The following CLCN3 variants were observed in gnomAD, a reference collection of about 807,000 sequenced individuals.
CLCN3 encodes the protein Cl-/H+ antiporter 3.
A neutral mutation model predicts 83.4 loss-of-function variants in CLCN3; 16 were observed. The ratio of observed to expected loss-of-function variants is 0.19; its 90% CI spans 0.13 to 0.29. The LOEUF is 0.29. Ranked by LOEUF, CLCN3 falls within the 10% of genes least tolerant of loss-of-function variation. The pLI is 1.00. For synonymous variants in CLCN3, 322 were observed against 346.2 expected (o/e 0.93, Z 0.78); for missense variants, 544 against 1,006.0 (o/e 0.54, Z 6.21).
rs555174327 is a variant in CLCN3, at chr4:169,713,589, T to G, written c.2366+294T>G. 1.6e-3 allele frequency among the ~76,000 whole-genome samples: 238 copies of G among 152,330 alleles called. 2 individuals are homozygous for G. Among genetic ancestry groups the G allele is most frequent in the Admixed American group, 0.013 (193 of 15,304 alleles). ...GAAAGCATGTTGAGCTTAGAGTGCT[T>G]CTTTTCCTAGGGAAGAGTGGACCTA... On this transcript the variant is annotated intron_variant, in intron 12 of 12. Transcript: ENST00000513761.
At chr4:169,700,536 A>G (rs13103449) in intron 9 of CLCN3, among the ~76,000 whole-genome samples, 4,581 of 152,260 alleles carry the variant, frequency 0.03, 135 homozygotes, top group African/African-American at 0.079. Flanking sequence ...TGCTAGGATT[A>G]TAGGTGTGAG....
intron 2 of CLCN3, among the ~76,000 whole-genome samples, chr4:169,654,725 A>T (rs1269621797): frequency 6.6e-6 from 1 of 152,186 alleles, no homozygotes; most frequent in Non-Finnish European, 1.5e-5. Flanking sequence ...TGCATTATGT[A>T]ATTACAGTGT....
chr4:169,709,677 CAAAA>C (rs80258467), intron 11 of CLCN3, among the ~76,000 whole-genome samples: 1 of 129,262 alleles, frequency 7.7e-6, no homozygotes. Context: ...AACCCTGTCT[CAAAA>C]AAAAAAAAAG....
At chr4:169,713,028 A>G in intron 11 of CLCN3, 51 bp from the exon 12 acceptor site, 2 of 1,353,590 alleles carry the variant, frequency 1.5e-6, no homozygotes, top group Non-Finnish European at 2.1e-6. Flanking sequence ...CAGGTTGCCT[A>G]CTTAAAAATC....
chr4:169,690,976 A>G (rs1581254897), intron 6 of CLCN3, among the ~76,000 whole-genome samples: 2 of 151,908 alleles, frequency 1.3e-5, no homozygotes, highest in African/African-American at 4.8e-5. Flanking sequence ...TTGACGGGTT[A>G]GTTGTTACTT....
intron 2 of CLCN3, among the ~76,000 whole-genome samples, chr4:169,637,747 C>G (rs1488478911): frequency 6.6e-6 from 1 of 152,020 alleles, no homozygotes; most frequent in Non-Finnish European, 1.5e-5. Flanking sequence ...TTAGATCTGC[C>G]TACCTGCAGT....
chr4:169,711,173 T>A (rs779721500), intron 11 of CLCN3, among the ~76,000 whole-genome samples: 3 of 152,264 alleles, frequency 2.0e-5, no homozygotes, highest in Non-Finnish European at 4.4e-5. Context: ...TTTATACTAT[T>A]GATGTCACAC....
chr4:169,638,230 C>T (rs1399730077), intron 2 of CLCN3, among the ~76,000 whole-genome samples: 1 of 152,138 alleles, frequency 6.6e-6, no homozygotes, highest in Non-Finnish European at 1.5e-5. Flanking sequence ...TAGTTCTAGG[C>T]ATTGGTACTT....
chr4:169,678,337 CCTTA>C (rs1581238594), intron 2 of CLCN3, among the ~76,000 whole-genome samples: 1 of 152,130 alleles, frequency 6.6e-6, no homozygotes, highest in Non-Finnish European at 1.5e-5. Context: ...AATCTTTTGG[CCTTA>C]CTTCCAAGTT....
At chr4:169,656,373 G>T (rs893010446) in intron 2 of CLCN3, among the ~76,000 whole-genome samples, 15 of 152,144 alleles carry the variant, frequency 9.9e-5, no homozygotes, top group African/African-American at 3.4e-4. Flanking sequence ...AGCAAGGAGG[G>T]CAGTGAGGGA....
At chr4:169,696,760 C>A (rs757283405) in intron 8 of CLCN3, among the ~76,000 whole-genome samples, 1 of 151,360 alleles carries the variant, frequency 6.6e-6, no homozygotes, top group Non-Finnish European at 1.5e-5. Flanking sequence ...GAATTTAACT[C>A]TTTTAGTTCA....
intron 1 of CLCN3, among the ~76,000 whole-genome samples, chr4:169,625,793 A>G (rs1429307622): frequency 6.6e-6 from 1 of 152,152 alleles, no homozygotes; most frequent in Non-Finnish European, 1.5e-5. Flanking sequence ...CTCAATATTG[A>G]TGTGTCTTAG....
intron 1 of CLCN3, among the ~76,000 whole-genome samples, chr4:169,628,381 G>A (rs528011656): frequency 6.6e-6 from 1 of 152,188 alleles, no homozygotes; most frequent in East Asian, 1.9e-4. Flanking sequence ...AAACTAGAGA[G>A]GGGAGAAAAT....
chr4:169,698,780 T>G (rs1468479338), intron 9 of CLCN3, among the ~76,000 whole-genome samples: 2 of 152,234 alleles, frequency 1.3e-5, no homozygotes, highest in East Asian at 3.8e-4. Context: ...CTCACTGTGC[T>G]AAAATTAAGG....
chr4:169,653,534 A>T (rs924546012), intron 2 of CLCN3, among the ~76,000 whole-genome samples: 6 of 146,430 alleles, frequency 4.1e-5, no homozygotes, highest in Non-Finnish European at 7.5e-5. Context: ...CCACCTACTC[A>T]GGAGGCTGAG....
chr4:169,636,352 T>C (rs1476580861), intron 2 of CLCN3, among the ~76,000 whole-genome samples: 1 of 152,168 alleles, frequency 6.6e-6, no homozygotes, highest in Non-Finnish European at 1.5e-5. Context: ...CTTTTAAATA[T>C]AATGTAATAC....
intron 2 of CLCN3, among the ~76,000 whole-genome samples, chr4:169,662,925 T>C (rs1399942020): frequency 6.6e-6 from 1 of 152,102 alleles, no homozygotes; most frequent in East Asian, 1.9e-4. Context: ...AAAAAAGACT[T>C]GGCTTATCTG....
At chr4:169,647,023 C>T (rs990110309) in intron 2 of CLCN3, among the ~76,000 whole-genome samples, 3 of 152,122 alleles carry the variant, frequency 2.0e-5, no homozygotes, top group Non-Finnish European at 4.4e-5. Context: ...CTTACTTATA[C>T]TTTCTGCAGC....
intron 9 of CLCN3, among the ~76,000 whole-genome samples, chr4:169,703,221 T>G (rs1732864803): frequency 6.6e-6 from 1 of 152,222 alleles, no homozygotes; most frequent in Middle Eastern, 3.2e-3. Context: ...GTTGGAAAAG[T>G]AGTGCTGATG....
Sources: gnomAD v4.1 joint callset for allele counts (sites outside exome capture counted in the v4.1 genomes callset) on GRCh38, gnomAD v4.1.1 for gene constraint, MANE v1.5 for transcripts, NCBI Gene and HGNC (gene_info 2026-07-23, HGNC 2026-07-21) for gene names.